CYRIA: variants seen among roughly 807,000 people sequenced by gnomAD.
CYRIA encodes CYFIP related Rac1 interactor A.
In CYRIA, 15 loss-of-function variants were observed where a neutral mutation model predicts 43.9. That is an observed-to-expected ratio of 0.34 (90% CI 0.23 to 0.53). The LOEUF is 0.53. Among genes scored for constraint, CYRIA ranks in the 20% least tolerant of loss-of-function variants. CYRIA has a pLI of 0.94. For synonymous variants in CYRIA, 117 were observed against 136.0 expected (o/e 0.86, Z 0.97); for missense variants, 236 against 394.2 (o/e 0.60, Z 3.40).
intron 10 of CYRIA, among the ~76,000 whole-genome samples, chr2:16,558,187 G>A (rs1313366280): frequency 2.6e-5 from 4 of 151,980 alleles, no homozygotes; most frequent in South Asian, 2.1e-4. Flanking sequence ...AATTTACTAT[G>A]TCTTGATTTT....
In CYRIA at chr2:16,561,217, C is replaced by T. The variant is rs1666715928; in HGVS notation, c.574G>A (p.Glu192Lys). 1 of 1,613,732 alleles carries T rather than the reference C, an allele frequency of 6.2e-7. No homozygotes were observed. Among genetic ancestry groups the T allele is most frequent in the Non-Finnish European group, 8.5e-7 (1 of 1,179,826 alleles). ...AGGGTTTTCAGCATTGGCGTGGCTT[C>T]TGCATAGAAGAGGGACATTCGATTG... Reference protein sequence around the residue: ...MANRMSLFYAEATPMLKTLSN... With the variant: ...MANRMSLFYAKATPMLKTLSN... Residue 192 changes from glutamate to lysine, a missense_variant, in exon 8 of 12, where the codon GAA becomes AAA. Physicochemically the swap from Glu to Lys is moderately conservative, Grantham distance 56. This residue lies in a region of CYRIA where 193 missense variants were observed against 303.9 expected (regional missense o/e 0.64). Coordinates refer to ENST00000381323, the MANE Select transcript of CYRIA (RefSeq NM_030797.4).
intron 1 of CYRIA, among the ~76,000 whole-genome samples, chr2:16,635,282 G>T (rs1417697947): frequency 1.3e-5 from 2 of 152,168 alleles, no homozygotes; most frequent in Non-Finnish European, 2.9e-5. Flanking sequence ...AAGGTTGAGA[G>T]ATCCTGATGG....
At chr2:16,561,127 G>A (rs1666710815) in intron 8 of CYRIA, 34 bp downstream of exon 8, 2 of 1,611,054 alleles carry the variant, frequency 1.2e-6, no homozygotes, top group East Asian at 4.5e-5. Flanking sequence ...GTGGAATTAA[G>A]GAAAAAAGCA....
intron 2 of CYRIA, among the ~76,000 whole-genome samples, chr2:16,590,067 T>G (rs1008119671): frequency 1.6e-5 from 2 of 124,070 alleles, no homozygotes; most frequent in African/African-American, 8.3e-5. Context: ...TGGGCATGCA[T>G]GCACACACAC....
At chr2:16,618,443 A>G (rs970490896) in intron 2 of CYRIA, among the ~76,000 whole-genome samples, 4 of 152,202 alleles carry the variant, frequency 2.6e-5, no homozygotes, top group Non-Finnish European at 5.9e-5. Flanking sequence ...GAAGAACCCC[A>G]GGTCATATGT....
At chr2:16,609,363 T>A (rs1469612401) in intron 2 of CYRIA, among the ~76,000 whole-genome samples, 1 of 152,154 alleles carries the variant, frequency 6.6e-6, no homozygotes, top group Non-Finnish European at 1.5e-5. Context: ...GTCTGAAAAG[T>A]CTGACATTAA....
chr2:16,651,317 A>G (rs558351572), intron 1 of CYRIA, among the ~76,000 whole-genome samples: 2 of 152,312 alleles, frequency 1.3e-5, no homozygotes, highest in South Asian at 2.1e-4. Flanking sequence ...TATCAACTAC[A>G]TTAAATTATC....
intron 1 of CYRIA, among the ~76,000 whole-genome samples, chr2:16,640,496 G>A (rs1669643328): frequency 2.6e-5 from 4 of 152,218 alleles, no homozygotes; most frequent in Admixed American, 6.5e-5. Context: ...GACTAGGCTG[G>A]TTTTCTAGGG....
chr2:16,597,201 T>C (rs1668059052), intron 2 of CYRIA, among the ~76,000 whole-genome samples: 1 of 104,022 alleles, frequency 9.6e-6, no homozygotes, highest in South Asian at 3.5e-4. Context: ...AAAAAATGTA[T>C]ATTCTGTTGA....
chr2:16,559,619 C>T, intron 9 of CYRIA, 33 bp from the exon 10 acceptor site: 1 of 1,605,282 alleles, frequency 6.2e-7, no homozygotes, highest in African/African-American at 1.3e-5. Flanking sequence ...GGCGTCACTT[C>T]CTTGTCAGAA....
At chr2:16,605,856 C>T (rs1668379393) in intron 2 of CYRIA, among the ~76,000 whole-genome samples, 1 of 152,182 alleles carries the variant, frequency 6.6e-6, no homozygotes, top group Non-Finnish European at 1.5e-5. Context: ...TAGGTGAAGG[C>T]TTGTCATGGG....
chr2:16,623,645 A>G (rs780324580), intron 2 of CYRIA, among the ~76,000 whole-genome samples: 4 of 152,212 alleles, frequency 2.6e-5, no homozygotes, highest in African/African-American at 4.8e-5. Flanking sequence ...CTTCCCCTGC[A>G]TGTAATTCTC....
Position 16,582,524 on chromosome 2 carries a change from C to T in CYRIA, c.70+5526G>A, listed in dbSNP as rs539698561. ...GCAGCCACTCCTCATTTCTCTCCAACCCTCTCCCCACCTCCGGGCCTAGAC... is the reference window on the plus strand; with the variant it reads ...GCAGCCACTCCTCATTTCTCTCCAATCCTCTCCCCACCTCCGGGCCTAGAC... On this transcript the variant is annotated intron_variant, in intron 3 of 11. Transcript: ENST00000381323. 2.2e-4 allele frequency among the ~76,000 whole-genome samples: 33 copies of T among 152,300 alleles called. No individual in the cohort carries two copies. In the South Asian group the frequency reaches 5.6e-3, roughly 26 times the overall value.
intron 2 of CYRIA, among the ~76,000 whole-genome samples, chr2:16,602,003 G>A (rs543693001): frequency 3.3e-5 from 5 of 152,314 alleles, no homozygotes; most frequent in East Asian, 1.9e-4. Flanking sequence ...CAACCTTCAT[G>A]AGTAGATCAC....
intron 1 of CYRIA, among the ~76,000 whole-genome samples, chr2:16,646,046 A>G (rs1367298070): frequency 6.6e-6 from 1 of 152,250 alleles, no homozygotes; most frequent in African/African-American, 2.4e-5. Flanking sequence ...GCAATGCAGT[A>G]TGACCAGAAC....
At chr2:16,557,985 TA>T (rs1354727009) in intron 10 of CYRIA, among the ~76,000 whole-genome samples, 3 of 152,170 alleles carry the variant, frequency 2.0e-5, no homozygotes, top group African/African-American at 7.2e-5. Flanking sequence ...TTTATTGGTA[TA>T]AAAATGCCCA....
intron 3 of CYRIA, among the ~76,000 whole-genome samples, chr2:16,575,543 A>G (rs1216802445): frequency 1.3e-5 from 2 of 152,064 alleles, no homozygotes; most frequent in African/African-American, 2.4e-5. Flanking sequence ...AAGTCTCACA[A>G]GATCTGATGG....
At chr2:16,657,078 G>A (rs1299873049) in intron 1 of CYRIA, among the ~76,000 whole-genome samples, 2 of 152,154 alleles carry the variant, frequency 1.3e-5, no homozygotes, top group East Asian at 1.9e-4. Context: ...CTCTTTTGAC[G>A]TCCTAGCCTC....
At position 16,583,759 on chromosome 2, in the gene CYRIA, G is replaced by A. The variant is rs112679478; in HGVS notation, c.70+4291C>T. ...GACTTCAAAGAGGACATGGAGACAT[G>A]GGAAGGAAGTAGAGAGGGAAGAAAA... On this transcript the variant is annotated intron_variant, in intron 3 of 11. Coordinates refer to ENST00000381323, the MANE Select transcript of CYRIA (RefSeq NM_030797.4). Among the ~76,000 whole-genome samples, 8 of 152,234 alleles carry A rather than the reference G, an allele frequency of 5.3e-5. 1 individual carries two copies. The highest frequency in any genetic ancestry group is 1.7e-4 in the African/African-American group (7 of 41,534).
Sources: gnomAD v4.1 joint callset for allele counts (sites outside exome capture counted in the v4.1 genomes callset) on GRCh38, gnomAD v4.1.1 for gene constraint, gnomAD v4.1.1 regional missense constraint, MANE v1.5 for transcripts, NCBI Gene and HGNC (gene_info 2026-07-23, HGNC 2026-07-21) for gene names.